The following SPEN variants were observed in gnomAD, a reference collection of about 807,000 sequenced individuals.
SPEN encodes msx2-interacting protein.
In SPEN, 18 loss-of-function variants were observed where a neutral mutation model predicts 269.9. That is an observed-to-expected ratio of 0.07 (90% CI 0.05 to 0.10). The LOEUF (loss-of-function observed/expected upper bound fraction) is 0.10, where lower values mean the gene tolerates loss of function less well. Ranked by LOEUF, SPEN falls within the 10% of genes least tolerant of loss-of-function variation. The pLI, the probability that SPEN is intolerant of heterozygous loss-of-function variation, is 1.00. For missense variants in SPEN, 3,822 were observed against 4,631.2 expected, an observed-to-expected ratio of 0.83 and a Z score of 5.07; for synonymous variants, 1,726 against 1,765.7, an observed-to-expected ratio of 0.98 and a Z score of 0.56.
chr1:15,861,652 G>C (rs923889726), intron 1 of SPEN, among the ~76,000 whole-genome samples: 5 of 151,452 alleles, frequency 3.3e-5, no homozygotes, highest in Admixed American at 1.3e-4. Context: ...TTTTTTTTGT[G>C]GGGGGAGTAG....
intron 10 of SPEN, among the ~76,000 whole-genome samples, chr1:15,927,391 T>C (rs569923427): frequency 1.4e-4 from 21 of 152,344 alleles, no homozygotes; most frequent in Admixed American, 7.8e-4. Flanking sequence ...GAGGAAAAGC[T>C]GCCATTTTAT....
intron 3 of SPEN, among the ~76,000 whole-genome samples, chr1:15,891,526 A>G (rs1192247762): frequency 1.3e-5 from 2 of 150,776 alleles, no homozygotes; most frequent in East Asian, 3.9e-4. Context: ...TAATTTTTGT[A>G]TTTTTGGTAG....
rs1348084093 is a variant in SPEN at position 15,935,325 on chromosome 1, A to G, written c.9085A>G (p.Ser3029Gly). 3.1e-6 allele frequency: 5 copies of G among 1,613,844 alleles called. No individual in the cohort carries two copies. The highest frequency in any genetic ancestry group is 1.3e-5 in the African/African-American group (1 of 74,830). The change falls in exon 11 of 15, where the codon AGT becomes GGT. Residue 3029 changes from serine (S) to glycine (G), a missense_variant. Physicochemically the swap from Ser to Gly is moderately conservative, Grantham distance 56. Transcript: ENST00000375759. This position sits in a 1 kb window ranked among gnomAD's most constrained non-coding sequence, Gnocchi z 7.7. The stretch of plus-strand genomic sequence containing the variant: ...GCTAGATGCTCATTCTCCTCGACCA[A>G]GTGGACCCGGGCCATCCTCATTCCC... ...AKLDAHSPRP[S>G]GPGPSSFPRA...
In SPEN at chr1:15,930,526, A is replaced by G. The variant is rs753789096; in HGVS notation, c.4286A>G (p.Asn1429Ser). The G allele has an allele frequency of 1.9e-6, 3 of 1,614,182 alleles. No individual in the cohort carries two copies. In the South Asian group the frequency reaches 3.3e-5, roughly 18 times the overall value. ...DERLSSSLER[N>S]KFYSFALDKT... ...AGACTCTCTAGTTCTTTAGAAAGGA[A>G]CAAATTTTACTCTTTTGCATTGGAT... The change falls in exon 11 of 15, where the codon AAC (asparagine) becomes AGC (serine). Residue 1429 changes from asparagine (N) to serine (S), a missense_variant. Asn to Ser is a conservative substitution (Grantham distance 46, BLOSUM62 1). This residue lies in a region of SPEN where 267 missense variants were observed against 315.5 expected (regional missense o/e 0.85). Coordinates refer to ENST00000375759, the MANE Select transcript of SPEN (RefSeq NM_015001.3). This position sits in a 1 kb window ranked among gnomAD's most constrained non-coding sequence, Gnocchi z 5.3.
rs1160765942 is a variant in SPEN at position 15,872,800 on chromosome 1, A to C, written c.84-16A>C. On this transcript the variant is annotated splice_polypyrimidine_tract_variant and intron_variant, in intron 1 of 14. Transcript: ENST00000375759. ...TTATTGATATGCAGCAATAACGTTGACTTTATTTTTTCCAGATATGGCCGC... is the reference window on the plus strand; with the variant it reads ...TTATTGATATGCAGCAATAACGTTGCCTTTATTTTTTCCAGATATGGCCGC... 1 of 1,481,058 alleles carries C rather than the reference A, an allele frequency of 6.8e-7. No individual in the cohort carries two copies. Among genetic ancestry groups the C allele is most frequent in the African/African-American group, 1.4e-5 (1 of 71,380 alleles). 91.7% of individuals were successfully genotyped at this position (1,481,058 alleles called of 1,614,324 possible).
At chr1:15,860,890 G>A (rs1191331218) in intron 1 of SPEN, among the ~76,000 whole-genome samples, 1 of 151,684 alleles carries the variant, frequency 6.6e-6, no homozygotes, top group African/African-American at 2.4e-5. Flanking sequence ...GTGAGCCACT[G>A]TGCCCGGACT....
Position 15,932,122 on chromosome 1 carries a change from A to T in SPEN, c.5882A>T (p.Asp1961Val). 1.2e-6 allele frequency: 2 copies of T among 1,613,944 alleles called. No homozygotes were observed. Among genetic ancestry groups the T allele is most frequent in the Non-Finnish European group, 1.7e-6 (2 of 1,179,988 alleles). The change falls in exon 11 of 15, where the codon GAT (aspartate) becomes GTT (valine). Residue 1961 changes from aspartate (D) to valine (V), a missense_variant. Asp to Val is a radical substitution (Grantham distance 152). This residue lies in a region of SPEN where 533 missense variants were observed against 618.8 expected (regional missense o/e 0.86). Coordinates refer to ENST00000375759, the MANE Select transcript of SPEN (RefSeq NM_015001.3). The surrounding 1 kb of genome is among the most constrained non-coding windows in gnomAD (Gnocchi z 4.2). ...GRPPKTRRRA[D>V]EEEENEAKEP... The stretch of plus-strand genomic sequence containing the variant: ...CCTCCAAAGACACGCCGGCGAGCCG[A>T]TGAAGAGGAGGAGAACGAGGCCAAG...
chr1:15,894,265 T>C (rs2070817256), intron 3 of SPEN, among the ~76,000 whole-genome samples: 1 of 152,208 alleles, frequency 6.6e-6, no homozygotes, highest in Non-Finnish European at 1.5e-5. Flanking sequence ...CTTTTTTGTC[T>C]CTTAAATAAA....
rs1389532075 is a variant in SPEN, at chr1:15,848,737, A to G, written c.83+587A>G. Reference sequence around the variant, plus strand: ...CGGAGGATTTGCAGCCTTGAAACTCACTGGGAATGGCAAACGTTTCTCGTT... The same window carrying G: ...CGGAGGATTTGCAGCCTTGAAACTCGCTGGGAATGGCAAACGTTTCTCGTT... On this transcript the variant is annotated intron_variant, in intron 1 of 14. Coordinates refer to ENST00000375759, the MANE Select transcript of SPEN (RefSeq NM_015001.3). This position sits in a 1 kb window ranked among gnomAD's most constrained non-coding sequence, Gnocchi z 5.1. Among the ~76,000 whole-genome samples the G allele has an allele frequency of 6.6e-6, 1 of 152,190 alleles. No homozygotes were observed. Among genetic ancestry groups the G allele is most frequent in the Non-Finnish European group, 1.5e-5 (1 of 68,024 alleles).
chr1:15,933,817 A>G lies in SPEN; in HGVS notation c.7577A>G (p.Asp2526Gly). The G allele has an allele frequency of 6.2e-7, 1 of 1,613,340 alleles. No homozygotes were observed. Among genetic ancestry groups the G allele is most frequent in the Non-Finnish European group, 8.5e-7 (1 of 1,180,032 alleles). Residue 2526 changes from aspartate to glycine, a missense_variant, in exon 11 of 15, where the codon GAT becomes GGT. Asp to Gly is a moderately conservative substitution (Grantham distance 94). This residue lies in a region of SPEN where 727 missense variants were observed against 737.9 expected (regional missense o/e 0.99). Transcript: ENST00000375759. This position sits in a 1 kb window ranked among gnomAD's most constrained non-coding sequence, Gnocchi z 5.7. ...PALPPDTKAS[D>G]VDTSSSTLRK... ...CTTCCCCCAGACACAAAGGCCTCTGATGTTGACACCAGCTCCAGCACCCTG... is the reference window on the plus strand; with the variant it reads ...CTTCCCCCAGACACAAAGGCCTCTGGTGTTGACACCAGCTCCAGCACCCTG...
At position 15,931,089 on chromosome 1, in the gene SPEN, C is replaced by G. The variant is rs1353497395; in HGVS notation, c.4849C>G (p.Pro1617Ala). The change falls in exon 11 of 15, where the codon CCC (proline) becomes GCC (alanine). Residue 1617 changes from proline (P) to alanine (A), a missense_variant. Pro to Ala is a conservative substitution (Grantham distance 27). Around this residue, in one of 16 missense-constraint regions of SPEN, gnomAD observed 533 missense variants for 618.8 expected, o/e 0.86. Transcript: ENST00000375759. This position sits in a 1 kb window ranked among gnomAD's most constrained non-coding sequence, Gnocchi z 4.8. ...GAAACAGGAAGATACAGAGAATCAT[C>G]CCAAGACCCCAGAATCTGCTCCTGA... ...VEKQEDTENHPKTPESAPENK... is the reference protein window; with the variant it reads ...VEKQEDTENHAKTPESAPENK... The G allele has an allele frequency of 3.7e-6, 6 of 1,614,024 alleles. No homozygotes were observed. The highest frequency in any genetic ancestry group is 5.1e-6 in the Non-Finnish European group (6 of 1,180,034).
chr1:15,865,526 G>A (rs1201745514), intron 1 of SPEN, among the ~76,000 whole-genome samples: 7 of 146,414 alleles, frequency 4.8e-5, no homozygotes, highest in Admixed American at 6.9e-5. Flanking sequence ...GGGTTCAAAC[G>A]ATTCTCCTGC....
rs2070289249 is a variant in SPEN, at chr1:15,847,944, C to G, written c.-124C>G. Reference sequence around the variant, plus strand: ...GGGGGAGCCGGAGGAGCCGCCGCCGCTGCCGACGCCACCGCCGCAGCCGCC... The same window carrying G: ...GGGGGAGCCGGAGGAGCCGCCGCCGGTGCCGACGCCACCGCCGCAGCCGCC... On this transcript the variant is annotated 5_prime_UTR_variant, in exon 1 of 15. Transcript: ENST00000375759. 4.7e-6 allele frequency: 2 copies of G among 428,520 alleles called. No homozygotes were observed. The highest frequency in any genetic ancestry group is 1.0e-4 in the Admixed American group (2 of 20,020). The allele number at this position is 428,520 out of a possible 1,614,324, so 26.5% of individuals were successfully genotyped here. A position where few individuals can be genotyped will look rare whatever the true frequency, so the allele number is the denominator to read the frequency against.
chr1:15,896,187 C>CTT lies in SPEN; in HGVS notation c.882-13107_882-13106dup, dbSNP rs34846762. ...ATTATTGTGTTTGATTTTACCATCA[C>CTT]TTTTTTTTTTTTTTTTTTTTTTTTT... is the stretch of plus-strand genomic sequence containing the variant. On this transcript the variant is annotated intron_variant, in intron 3 of 14. Transcript: ENST00000375759. 1.4e-3 allele frequency among the ~76,000 whole-genome samples: 100 copies of CTT among 69,224 alleles called. 14 individuals carry two copies. Among genetic ancestry groups the CTT allele is most frequent in the Middle Eastern group, 0.01 (1 of 96 alleles). 45.4% of individuals were successfully genotyped at this position (69,224 alleles called of 152,430 possible). A position where few individuals can be genotyped will look rare whatever the true frequency, so the allele number is the denominator to read the frequency against.
chr1:15,900,241 T>A (rs530794196), intron 3 of SPEN, among the ~76,000 whole-genome samples: 1 of 152,230 alleles, frequency 6.6e-6, no homozygotes, highest in African/African-American at 2.4e-5. Context: ...TTTTTCTAAT[T>A]TCTTCTGAGC....
At chr1:15,850,060 C>T (rs1325145764) in intron 1 of SPEN, among the ~76,000 whole-genome samples, 1 of 152,114 alleles carries the variant, frequency 6.6e-6, no homozygotes, top group African/African-American at 2.4e-5. Context: ...AGGAAATCGT[C>T]CCAGGCAGCT....
Position 15,928,461 on chromosome 1 carries a change from C to G in SPEN, c.2221C>G (p.Pro741Ala). 6.2e-7 allele frequency: 1 copy of G among 1,614,066 alleles called. No homozygotes were observed. Among genetic ancestry groups the G allele is most frequent in the Middle Eastern group, 1.6e-4 (1 of 6,062 alleles). The stretch of plus-strand genomic sequence containing the variant: ...ACGTCCACAGAGTCCTGGAGCGTCT[C>G]CCTCTCAGGCAGAGAGGTTGCCGAG... ...LRRPQSPGAS[P>A]SQAERLPSDS... The change falls in exon 11 of 15, where the codon CCC (proline) becomes GCC (alanine). Residue 741 changes from proline (P) to alanine (A), a missense_variant. Pro to Ala is a conservative substitution (Grantham distance 27, BLOSUM62 -1). This residue lies in a region of SPEN where 572 missense variants were observed against 582.6 expected (regional missense o/e 0.98). Transcript: ENST00000375759. This position sits in a 1 kb window ranked among gnomAD's most constrained non-coding sequence, Gnocchi z 5.7.
At chr1:15,922,630 C>CT (rs113116731) in intron 10 of SPEN, among the ~76,000 whole-genome samples, 14,587 of 149,522 alleles carry the variant, frequency 0.098, 916 homozygotes, top group African/African-American at 0.18. Flanking sequence ...ACTTTATGTA[C>CT]TTTTTTTTTT....
chr1:15,921,784 A>T (rs370832710), intron 9 of SPEN, among the ~76,000 whole-genome samples: 3 of 152,224 alleles, frequency 2.0e-5, no homozygotes, highest in East Asian at 1.9e-4. Flanking sequence ...AATAACTATG[A>T]TTGTTAGGTT....
Sources: allele counts gnomAD v4.1 joint callset (sites outside exome capture counted in the v4.1 genomes callset), GRCh38; gene constraint gnomAD v4.1.1; regional missense constraint gnomAD v4.1.1; non-coding constraint Gnocchi (gnomAD v3.1); transcripts MANE v1.5; gene names NCBI Gene and HGNC (gene_info 2026-07-23, HGNC 2026-07-21).